The following DIP2B variants were observed in gnomAD, a reference collection of about 807,000 sequenced individuals.
The protein encoded by DIP2B is DIP2 acetate--CoA ligase B (putative).
DIP2B carries 76 observed loss-of-function variants against 198.0 expected under a neutral mutation model. That is an observed-to-expected ratio of 0.38 (90% CI 0.32 to 0.46). The LOEUF (loss-of-function observed/expected upper bound fraction) is 0.46. Among genes scored for constraint, DIP2B ranks in the 20% least tolerant of loss-of-function variants. DIP2B has a pLI of 0.99. For synonymous variants in DIP2B, 701 were observed against 739.1 expected, an observed-to-expected ratio of 0.95 and a Z score of 0.84; for missense variants, 1,559 against 1,978.4, an observed-to-expected ratio of 0.79 and a Z score of 4.02.
At chr12:50,716,271 CTT>C (rs1364381394) in intron 23 of DIP2B, among the ~76,000 whole-genome samples, 6 of 139,844 alleles carry the variant, frequency 4.3e-5, no homozygotes, top group Non-Finnish European at 9.5e-5. Flanking sequence ...GTAGTAGACA[CTT>C]TGTAGACTAA....
At chr12:50,563,486 CTTTTTTT>C (rs71083598) in intron 1 of DIP2B, among the ~76,000 whole-genome samples, 1 of 115,542 alleles carries the variant, frequency 8.7e-6, no homozygotes, top group Non-Finnish European at 1.7e-5. Context: ...TGCACCTGGC[CTTTTTTT>C]TTTTTTTTTT....
rs192645882 is a variant in DIP2B, at chr12:50,730,624, C to T, written c.3642-745C>T. Among the ~76,000 whole-genome samples the T allele has an allele frequency of 1.0e-3, 157 of 152,210 alleles. 2 individuals are homozygous for T. The highest frequency in any genetic ancestry group is 3.6e-3 in the African/African-American group (149 of 41,548). Reference sequence around the variant, plus strand: ...CTGGTCTTCACCTTCTGGGCTCCAGCGATCCTCCCATCATGGCCTCCCAAA... The same window carrying T: ...CTGGTCTTCACCTTCTGGGCTCCAGTGATCCTCCCATCATGGCCTCCCAAA... On this transcript the variant is annotated intron_variant, in intron 30 of 37. Coordinates refer to ENST00000301180, the MANE Select transcript of DIP2B (RefSeq NM_173602.3).
chr12:50,524,657 A>G (rs1267835794), intron 1 of DIP2B, among the ~76,000 whole-genome samples: 1 of 152,186 alleles, frequency 6.6e-6, no homozygotes, highest in East Asian at 1.9e-4. Context: ...AGTGATTAAC[A>G]TGACAAACAC....
Position 50,704,182 on chromosome 12 carries a change from C to G in DIP2B, c.2368C>G (p.Pro790Ala). ...TGCAGGCTCTCCTGTTGGGGATGTG[C>G]CATTCATCCGATCAGGATTGCTGGG... is the stretch of plus-strand genomic sequence containing the variant. ...NSAGSPVGDV[P>A]FIRSGLLGFV... Residue 790 changes from proline to alanine, a missense_variant, in exon 20 of 38, where the codon CCA (proline) becomes GCA (alanine). By Grantham distance (27) the Pro-to-Ala change is conservative. Transcript: ENST00000301180. 1 of 1,611,142 alleles carries G rather than the reference C, an allele frequency of 6.2e-7. No homozygotes were observed. Among genetic ancestry groups the G allele is most frequent in the African/African-American group, 1.3e-5 (1 of 74,928 alleles).
chr12:50,580,843 A>G (rs1301503476), intron 1 of DIP2B, among the ~76,000 whole-genome samples: 1 of 148,960 alleles, frequency 6.7e-6, no homozygotes, highest in African/African-American at 2.5e-5. Flanking sequence ...TGTTCAAATG[A>G]TGGAAATATC....
chr12:50,534,747 T>G (rs892237350), intron 1 of DIP2B, among the ~76,000 whole-genome samples: 1 of 152,240 alleles, frequency 6.6e-6, no homozygotes, highest in South Asian at 2.1e-4. Context: ...TGGAAAAGAT[T>G]GTGGGTTTGG....
At chr12:50,617,146 AATG>A (rs944627563) in intron 1 of DIP2B, among the ~76,000 whole-genome samples, 10 of 149,258 alleles carry the variant, frequency 6.7e-5, no homozygotes, top group African/African-American at 2.4e-4. Context: ...AATGATGTAT[AATG>A]ATCTTTTTGC....
chr12:50,608,302 A>G (rs938483648), intron 1 of DIP2B, among the ~76,000 whole-genome samples: 10 of 152,234 alleles, frequency 6.6e-5, no homozygotes, highest in Admixed American at 1.3e-4. Context: ...GATTATGCTG[A>G]AAACTTACGT....
rs780930249 is a variant in DIP2B, at chr12:50,686,627, C to T, written c.1496C>T (p.Pro499Leu). 30 of 1,614,032 alleles carry T rather than the reference C, an allele frequency of 1.9e-5. No homozygotes were observed. Among genetic ancestry groups the T allele is most frequent in the South Asian group, 1.3e-4 (12 of 91,074 alleles). ...GATTCCAAGTACCTTTCAAAGCCAC[C>T]GAAAGACTGGCAGCCACACATCTCA... Reference protein sequence around the residue: ...VTDSKYLSKPPKDWQPHISPA... With the variant: ...VTDSKYLSKPLKDWQPHISPA... The change falls in exon 12 of 38, where the codon CCG becomes CTG. Residue 499 changes from proline (P) to leucine (L), a missense_variant. By Grantham distance (98) the Pro-to-Leu change is moderately conservative (BLOSUM62 -3). Transcript: ENST00000301180.
intron 1 of DIP2B, among the ~76,000 whole-genome samples, chr12:50,541,698 A>G (rs1958327446): frequency 6.6e-6 from 1 of 152,206 alleles, no homozygotes; most frequent in Non-Finnish European, 1.5e-5. Flanking sequence ...CTATTAAGAC[A>G]AACTAGAAAA....
rs554874819 is a variant in DIP2B at position 50,602,225 on chromosome 12, G to C, written c.101-23751G>C. Among the ~76,000 whole-genome samples the C allele has an allele frequency of 2.2e-4, 34 of 152,272 alleles. No individual in the cohort carries two copies. In the South Asian group the frequency reaches 6.8e-3, roughly 31 times the overall value. ...GTATAGTTGTACCAAAGATACTTATGTATAAGTTAATACATACATATCTCT... is the reference window on the plus strand; with the variant it reads ...GTATAGTTGTACCAAAGATACTTATCTATAAGTTAATACATACATATCTCT... On this transcript the variant is annotated intron_variant, in intron 1 of 37. Transcript: ENST00000301180.
chr12:50,614,627 T>A (rs1008427033), intron 1 of DIP2B, among the ~76,000 whole-genome samples: 2 of 152,182 alleles, frequency 1.3e-5, no homozygotes, highest in African/African-American at 4.8e-5. Flanking sequence ...TTCCTACAGA[T>A]GAAGAGACTG....
intron 1 of DIP2B, among the ~76,000 whole-genome samples, chr12:50,569,233 A>C (rs1958592950): frequency 6.6e-6 from 1 of 152,072 alleles, no homozygotes; most frequent in Non-Finnish European, 1.5e-5. Flanking sequence ...GCAGAGAACT[A>C]TCTGGTCCTC....
intron 19 of DIP2B, among the ~76,000 whole-genome samples, chr12:50,700,332 T>G (rs994765659): frequency 2.2e-4 from 34 of 152,236 alleles, no homozygotes; most frequent in African/African-American, 8.2e-4. Flanking sequence ...GGAATTAACC[T>G]GTCTCAGGAT....
intron 1 of DIP2B, among the ~76,000 whole-genome samples, chr12:50,513,609 C>T (rs187433506): frequency 1.3e-5 from 2 of 152,318 alleles, no homozygotes; most frequent in East Asian, 3.9e-4. Context: ...TGTGGTGGCT[C>T]ACGCCTGCAA....
chr12:50,570,497 G>A (rs192739022), intron 1 of DIP2B, among the ~76,000 whole-genome samples: 14 of 152,226 alleles, frequency 9.2e-5, no homozygotes, highest in Admixed American at 9.2e-4. Context: ...GATCACTTGC[G>A]GTCAGGAGTT....
intron 23 of DIP2B, among the ~76,000 whole-genome samples, chr12:50,717,821 C>G (rs992064274): frequency 1.3e-5 from 2 of 151,276 alleles, no homozygotes; most frequent in African/African-American, 4.9e-5. Flanking sequence ...CTCCTCGGCT[C>G]AAGTGATCTG....
chr12:50,744,672 G>C lies in DIP2B; in HGVS notation c.4564G>C (p.Val1522Leu), dbSNP rs751156812. 7 of 1,614,094 alleles carry C rather than the reference G, an allele frequency of 4.3e-6. No homozygotes were observed. The East Asian group carries it at 1.6e-4, about 36-fold the overall frequency. ...EQEALDLVPL[V>L]TNVVLEEHYL... Reference sequence around the variant, plus strand: ...GGAAGCCCTAGATCTGGTCCCATTAGTGACCAACGTGGTCCTGGAAGAGCA... The same window carrying C: ...GGAAGCCCTAGATCTGGTCCCATTACTGACCAACGTGGTCCTGGAAGAGCA... Residue 1522 changes from valine to leucine, a missense_variant, in exon 38 of 38, where the codon GTG becomes CTG. Val to Leu is a conservative substitution (Grantham distance 32). Coordinates refer to ENST00000301180, the MANE Select transcript of DIP2B (RefSeq NM_173602.3).
intron 28 of DIP2B, among the ~76,000 whole-genome samples, chr12:50,725,953 T>G (rs1404645141): frequency 1.3e-5 from 2 of 152,130 alleles, no homozygotes; most frequent in Non-Finnish European, 2.9e-5. Context: ...AAATATTTGT[T>G]ACTGAAGGAT....
Sources: gnomAD v4.1 joint callset for allele counts (sites outside exome capture counted in the v4.1 genomes callset) on GRCh38, gnomAD v4.1.1 for gene constraint, MANE v1.5 for transcripts, NCBI Gene and HGNC (gene_info 2026-07-23, HGNC 2026-07-21) for gene names.